The following XRRA1 variants were observed in gnomAD, a reference collection of about 807,000 sequenced individuals.
XRRA1 encodes X-ray radiation resistance associated 1.
In XRRA1, 69 loss-of-function variants were observed where a neutral mutation model predicts 80.2. That is an observed-to-expected ratio of 0.86 (90% CI 0.71 to 1.05). XRRA1 has a LOEUF of 1.05. Among genes scored for constraint, XRRA1 ranks in the 50% least tolerant of loss-of-function variants. XRRA1 has a pLI of 0.00. For synonymous variants in XRRA1, 348 were observed against 389.9 expected (o/e 0.89, Z 1.27); for missense variants, 967 against 976.4 (o/e 0.99, Z 0.13).
chr11:74,944,139 G>A (rs1171632966), intron 2 of XRRA1, among the ~76,000 whole-genome samples: 1 of 152,190 alleles, frequency 6.6e-6, no homozygotes, highest in African/African-American at 2.4e-5. Flanking sequence ...TCTTTCATCA[G>A]TATTTCTTTC....
chr11:74,940,467 C>T (rs1334565655), intron 3 of XRRA1, among the ~76,000 whole-genome samples: 2 of 152,066 alleles, frequency 1.3e-5, no homozygotes, highest in Non-Finnish European at 2.9e-5. Flanking sequence ...AATAAAAAAG[C>T]TATGTGAAAA....
intron 10 of XRRA1, among the ~76,000 whole-genome samples, chr11:74,872,427 A>G (rs564986019): frequency 2.0e-5 from 3 of 152,292 alleles, no homozygotes; most frequent in Admixed American, 1.3e-4. Context: ...GTCTTTCATA[A>G]TAGGGACCAG....
intron 4 of XRRA1, among the ~76,000 whole-genome samples, chr11:74,934,944 C>G (rs1231523726): frequency 6.6e-6 from 1 of 152,150 alleles, no homozygotes; most frequent in East Asian, 1.9e-4. Flanking sequence ...AATTACTTTC[C>G]TAATAACCAC....
At chr11:74,907,089 T>C in intron 9 of XRRA1, 56 bp downstream of exon 9, 1 of 1,606,576 alleles carries the variant, frequency 6.2e-7, no homozygotes, top group Non-Finnish European at 8.5e-7. Flanking sequence ...GCACTCAGAG[T>C]GTGAGCAAGC....
At chr11:74,928,567 C>A (rs1366479874) in intron 6 of XRRA1, among the ~76,000 whole-genome samples, 1 of 152,178 alleles carries the variant, frequency 6.6e-6, no homozygotes, top group Non-Finnish European at 1.5e-5. Context: ...AAGAATGCCT[C>A]ATGGATGGCT....
At chr11:74,921,091 G>A (rs1046056153) in intron 8 of XRRA1, 123 bp downstream of exon 8, 3 of 1,297,178 alleles carry the variant, frequency 2.3e-6, no homozygotes, top group Non-Finnish European at 2.1e-6. Flanking sequence ...GCTTCAGTAG[G>A]TGCCATTATC....
chr11:74,940,666 A>G, intron 3 of XRRA1, 119 bp downstream of exon 3: 1 of 781,432 alleles, frequency 1.3e-6, no homozygotes, highest in Non-Finnish European at 2.1e-6. Context: ...TGGAGGGGGA[A>G]GGATTAGGTA....
chr11:74,930,029 G>A (rs761504485), intron 6 of XRRA1, among the ~76,000 whole-genome samples: 1 of 152,192 alleles, frequency 6.6e-6, no homozygotes, highest in Non-Finnish European at 1.5e-5. Context: ...ATATGAGCCT[G>A]CAAGGTATCC....
At chr11:74,860,917 A>G (rs1385571580) in intron 11 of XRRA1, among the ~76,000 whole-genome samples, 3 of 152,206 alleles carry the variant, frequency 2.0e-5, no homozygotes, top group African/African-American at 7.2e-5. Context: ...ATGACTCAGG[A>G]TGGAGGCTGG....
chr11:74,908,558 G>T (rs1025760679), intron 8 of XRRA1, among the ~76,000 whole-genome samples: 2 of 152,208 alleles, frequency 1.3e-5, no homozygotes, highest in Non-Finnish European at 2.9e-5. Context: ...TATTCTAAAT[G>T]AATGTATTAC....
At chr11:74,887,353 G>C (rs2049290426) in intron 10 of XRRA1, among the ~76,000 whole-genome samples, 1 of 152,170 alleles carries the variant, frequency 6.6e-6, no homozygotes, top group Non-Finnish European at 1.5e-5. Flanking sequence ...GAATCTATAA[G>C]GTACTTAAAT....
At chr11:74,869,910 G>T (rs1321407266) in intron 10 of XRRA1, among the ~76,000 whole-genome samples, 1 of 152,072 alleles carries the variant, frequency 6.6e-6, no homozygotes, top group African/African-American at 2.4e-5. Flanking sequence ...CACTCTTTGT[G>T]TGCCCAGGTC....
chr11:74,878,072 CCCA>C (rs1215247876), intron 10 of XRRA1, among the ~76,000 whole-genome samples: 1 of 150,532 alleles, frequency 6.6e-6, no homozygotes, highest in South Asian at 2.1e-4. Context: ...AGTTTACAGT[CCCA>C]CCAACAGTGT....
chr11:74,874,233 CAAAAAAAAAAAAAAAAAAA>C (rs367875228), intron 10 of XRRA1, among the ~76,000 whole-genome samples: 122 of 48,326 alleles, frequency 2.5e-3, no homozygotes, highest in African/African-American at 9.0e-3. Flanking sequence ...GACTCCGTCT[CAAAAAAAAAAAAAAAAAAA>C]AAAAAAAAAA....
intron 16 of XRRA1, 40 bp from the exon 17 acceptor site, chr11:74,844,323 C>T (rs764317281): frequency 1.4e-6 from 2 of 1,443,246 alleles, no homozygotes; most frequent in Non-Finnish European, 1.9e-6. Flanking sequence ...GCACTTCCCC[C>T]TCCTCCTCCC....
intron 10 of XRRA1, among the ~76,000 whole-genome samples, chr11:74,867,917 C>CTTTTTTTTTTTTTTTTTTTTT: frequency 9.4e-6 from 1 of 106,748 alleles, no homozygotes; most frequent in Non-Finnish European, 1.8e-5. Flanking sequence ...TATAGTCAAT[C>CTTTTTTTTTTTTTTTTTTTTT]TTTTTTTTTT....
At chr11:74,929,477 C>CT (rs5792676) in intron 6 of XRRA1, among the ~76,000 whole-genome samples, 57,980 of 151,986 alleles carry the variant, frequency 0.38, 12,445 homozygotes, top group Middle Eastern at 0.5. Flanking sequence ...CCAAGACTCT[C>CT]TTTTGCCTGC....
intron 4 of XRRA1, among the ~76,000 whole-genome samples, chr11:74,934,923 C>A (rs369184691): frequency 1.1e-3 from 172 of 152,250 alleles, no homozygotes; most frequent in African/African-American, 4.0e-3. Context: ...GACGAATGTA[C>A]CAGATTGGTT....
intron 8 of XRRA1, among the ~76,000 whole-genome samples, chr11:74,915,130 G>C (rs770955172): frequency 1.3e-5 from 2 of 152,194 alleles, no homozygotes; most frequent in Non-Finnish European, 2.9e-5. Flanking sequence ...CTTCTAAGCA[G>C]GCAGAACTTA....
Sources: allele counts gnomAD v4.1 joint callset (sites outside exome capture counted in the v4.1 genomes callset), GRCh38; gene constraint gnomAD v4.1.1; transcripts MANE v1.5; gene names NCBI Gene and HGNC (gene_info 2026-07-23, HGNC 2026-07-21).